Variants in RBM14 observed in about 807,000 individuals in gnomAD.
The protein encoded by RBM14 is RNA-binding protein 14.
A neutral mutation model predicts 52.8 loss-of-function variants in RBM14; 5 were observed. The ratio of observed to expected loss-of-function variants is 0.09; its 90% CI spans 0.05 to 0.20. The LOEUF is 0.20. RBM14 is among the 10% of genes least tolerant of loss of function. The pLI, the probability that RBM14 is intolerant of heterozygous loss-of-function variation, is 1.00. For missense variants in RBM14, 780 were observed against 926.6 expected (o/e 0.84, Z 2.05); for synonymous variants, 411 against 401.8 (o/e 1.02, Z -0.28).
In RBM14 at chr11:66,625,308, G is replaced by A; in HGVS notation, c.1432G>A (p.Ala478Thr). The A allele has an allele frequency of 6.2e-7, 1 of 1,611,976 alleles. No individual in the cohort carries two copies. Among genetic ancestry groups the A allele is most frequent in the Non-Finnish European group, 8.5e-7 (1 of 1,179,204 alleles). Reference protein sequence around the residue: ...QTQLNSYGAQASMGLSGSYGA... With the variant: ...QTQLNSYGAQTSMGLSGSYGA... Reference sequence around the variant, plus strand: ...CCAGCTGAATAGTTACGGGGCCCAAGCATCAATGGGCCTTTCAGGCTCCTA... The same window carrying A: ...CCAGCTGAATAGTTACGGGGCCCAAACATCAATGGGCCTTTCAGGCTCCTA... The change falls in exon 2 of 3, where the codon GCA (alanine) becomes ACA (threonine). Residue 478 changes from alanine to threonine, a missense_variant. Ala to Thr is a moderately conservative substitution (Grantham distance 58). Around this residue, in one of 4 missense-constraint regions of RBM14, gnomAD observed 675 missense variants for 697.3 expected, o/e 0.97. Transcript: ENST00000310137. The surrounding 1 kb of genome is among the most constrained non-coding windows in gnomAD (Gnocchi z 4.2).
chr11:66,627,406 CATG>C lies in RBM14; in HGVS notation c.*741_*743del, dbSNP rs1937866780. 1 of 152,168 alleles carries C rather than the reference CATG, an allele frequency of 6.6e-6. No individual in the cohort carries two copies. The highest frequency in any genetic ancestry group is 2.4e-5 in the African/African-American group (1 of 41,426). 9.4% of individuals were successfully genotyped at this position (152,168 alleles called of 1,614,324 possible). On this transcript the variant is annotated 3_prime_UTR_variant, in exon 3 of 3. Coordinates refer to ENST00000310137, the MANE Select transcript of RBM14 (RefSeq NM_006328.4). ...GGAGCCAATTTGACATCCAGGAAGACATGATAGCTAAAGGGAAGGCAGTCAGAG... is the reference window on the plus strand; with the variant it reads ...GGAGCCAATTTGACATCCAGGAAGACATAGCTAAAGGGAAGGCAGTCAGAG...
In RBM14 at chr11:66,624,251, C is replaced by G. The variant is rs1286725028; in HGVS notation, c.375C>G (p.Ala125=). 1 of 1,602,232 alleles carries G rather than the reference C, an allele frequency of 6.2e-7. No homozygotes were observed. The highest frequency in any genetic ancestry group is 1.7e-5 in the Admixed American group (1 of 58,594). ...AFVHMEKEAD[A]KAAIAQLNGK... ...TTCACATGGAGAAGGAAGCAGATGC[C>G]AAAGCCGCAATCGCGCAGCTCAACG... is the stretch of plus-strand genomic sequence containing the variant. Residue 125 remains alanine (A), a synonymous_variant, in exon 2 of 3, where the codon GCC becomes GCG. Transcript: ENST00000310137. The surrounding 1 kb of genome is among the most constrained non-coding windows in gnomAD (Gnocchi z 4.7).
Position 66,616,875 on chromosome 11 carries a change from T to C in RBM14, c.155T>C (p.Ile52Thr). The C allele has an allele frequency of 6.2e-7, 1 of 1,612,236 alleles. No homozygotes were observed. Among genetic ancestry groups the C allele is most frequent in the Non-Finnish European group, 8.5e-7 (1 of 1,179,488 alleles). The change falls in exon 1 of 3, where the codon ATC becomes ACC. Residue 52 changes from isoleucine (I) to threonine (T), a missense_variant. Physicochemically the swap from Ile to Thr is moderately conservative, Grantham distance 89. This residue lies in a region of RBM14 where 71 missense variants were observed against 119.2 expected (regional missense o/e 0.60). Transcript: ENST00000310137. Reference protein sequence around the residue: ...MRENAGALRAIEALHGHELRP... With the variant: ...MRENAGALRATEALHGHELRP... ...GAGAACGCGGGCGCGCTGCGCGCCA[T>C]CGAAGCCCTGCACGGCCACGAGCTG... is the stretch of plus-strand genomic sequence containing the variant.
Position 66,627,859 on chromosome 11 carries a change from G to A in RBM14, c.*1191G>A, listed in dbSNP as rs1031014481. Among the ~76,000 whole-genome samples the A allele has an allele frequency of 1.3e-5, 2 of 152,098 alleles. No homozygotes were observed. Among genetic ancestry groups the A allele is most frequent in the African/African-American group, 4.8e-5 (2 of 41,396 alleles). ...CGTTGCCTGATACTGCCCTATGGTT[G>A]GAATAAGGAAGGGCAGAGAAAACTT... is the stretch of plus-strand genomic sequence containing the variant. On this transcript the variant is annotated 3_prime_UTR_variant, in exon 3 of 3. Transcript: ENST00000310137.
Position 66,616,658 on chromosome 11 carries a change from G to T in RBM14, c.-63G>T, listed in dbSNP as rs1278597986. On this transcript the variant is annotated 5_prime_UTR_variant, in exon 1 of 3. Transcript: ENST00000310137. ...CCTGAGGAGGACTGCCGGTCGTTCG[G>T]ACGTCTTGCCTGTCGCTGGAGGAGA... The T allele has an allele frequency of 2.7e-6, 4 of 1,507,296 alleles. No homozygotes were observed. Among genetic ancestry groups the T allele is most frequent in the Non-Finnish European group, 1.8e-6 (2 of 1,126,302 alleles). The allele number at this position is 1,507,296 out of a possible 1,614,324, so 93.4% of individuals were successfully genotyped here. A position where few individuals can be genotyped will look rare whatever the true frequency, so the allele number is the denominator to read the frequency against.
rs146481171 is a variant in RBM14, at chr11:66,624,829, A to G, written c.953A>G (p.Tyr318Cys). Residue 318 changes from tyrosine (Y) to cysteine (C), a missense_variant, in exon 2 of 3, where the codon TAT (tyrosine) becomes TGT (cysteine). Physicochemically the swap from Tyr to Cys is radical, Grantham distance 194. This residue lies in a region of RBM14 where 675 missense variants were observed against 697.3 expected (regional missense o/e 0.97). Transcript: ENST00000310137. The surrounding 1 kb of genome is among the most constrained non-coding windows in gnomAD (Gnocchi z 4.7). Reference protein sequence around the residue: ...AQPSASALSSYGGQAAAASSL... With the variant: ...AQPSASALSSCGGQAAAASSL... ...CCCTCAGCCTCGGCCCTTTCCTCCT[A>G]TGGGGGTCAGGCAGCTGCAGCTTCT... The G allele has an allele frequency of 7.4e-6, 12 of 1,612,554 alleles. No individual in the cohort carries two copies. The highest frequency in any genetic ancestry group is 1.7e-5 in the Admixed American group (1 of 59,898).
rs951342452 is a variant in RBM14 at position 66,628,439 on chromosome 11, C to G, written c.*1771C>G. 6.6e-6 allele frequency among the ~76,000 whole-genome samples: 1 copy of G among 152,066 alleles called. No homozygotes were observed. The highest frequency in any genetic ancestry group is 2.4e-5 in the African/African-American group (1 of 41,382). On this transcript the variant is annotated 3_prime_UTR_variant, in exon 3 of 3. Coordinates refer to ENST00000310137, the MANE Select transcript of RBM14 (RefSeq NM_006328.4). ...ACTTGCCTGTGACAGAATATCTTGC[C>G]CTAGATGTCCTCTTCCCTCTTGCCA...
chr11:66,620,140 A>C (rs949484165), intron 1 of RBM14, among the ~76,000 whole-genome samples: 1 of 152,170 alleles, frequency 6.6e-6, no homozygotes, highest in South Asian at 2.1e-4. Context: ...TGTGCTTTGC[A>C]CTTACTGTGA....
intron 1 of RBM14, 23 bp downstream of exon 1, chr11:66,617,080 G>A: frequency 6.4e-7 from 1 of 1,554,126 alleles, no homozygotes; most frequent in Non-Finnish European, 8.7e-7. Context: ...CGCGCTCGGG[G>A]GCGGGGGCGC....
At chr11:66,619,907 T>G (rs1859026446) in intron 1 of RBM14, among the ~76,000 whole-genome samples, 2 of 152,254 alleles carry the variant, frequency 1.3e-5, no homozygotes, top group Admixed American at 1.3e-4. Flanking sequence ...GAGAACTTGT[T>G]TTTCTGGATT....
Position 66,625,868 on chromosome 11 carries a change from A to G in RBM14, c.1802+190A>G. 1.7e-6 allele frequency: 1 copy of G among 590,422 alleles called. No homozygotes were observed. Among genetic ancestry groups the G allele is most frequent in the Non-Finnish European group, 3.0e-6 (1 of 337,608 alleles). The allele number at this position is 590,422 out of a possible 1,614,324, so 36.6% of individuals were successfully genotyped here. Reference sequence around the variant, plus strand: ...GGTCACCAGGGTTCAGGTGGAGCATAGTGCTCAGCCTGGGGTGGTACCTGC... The same window carrying G: ...GGTCACCAGGGTTCAGGTGGAGCATGGTGCTCAGCCTGGGGTGGTACCTGC... On this transcript the variant is annotated intron_variant, in intron 2 of 2. Coordinates refer to ENST00000310137, the MANE Select transcript of RBM14 (RefSeq NM_006328.4). This position sits in a 1 kb window ranked among gnomAD's most constrained non-coding sequence, Gnocchi z 4.2.
At position 66,617,067 on chromosome 11, in the gene RBM14, A is replaced by T. The variant is rs539164893; in HGVS notation, c.337+10A>T. On this transcript the variant is annotated intron_variant, in intron 1 of 2. Transcript: ENST00000310137. ...TGTGACGTGGTGAAAGGTAACGCGG[A>T]GGCGCGCTCGGGGGCGGGGGCGCGC... is the stretch of plus-strand genomic sequence containing the variant. 4 of 1,561,642 alleles carry T rather than the reference A, an allele frequency of 2.6e-6. No individual in the cohort carries two copies. The highest frequency in any genetic ancestry group is 3.5e-6 in the Non-Finnish European group (4 of 1,151,738).
In RBM14 at chr11:66,624,680, C is replaced by G. The variant is rs1418270798; in HGVS notation, c.804C>G (p.Ala268=). Residue 268 remains alanine (A), a synonymous_variant, in exon 2 of 3, where the codon GCC becomes GCG. Transcript: ENST00000310137. The surrounding 1 kb of genome is among the most constrained non-coding windows in gnomAD (Gnocchi z 4.7). ...GVGYRTQPMT[A]QAASYRAQPS... ...GCTATCGGACTCAGCCCATGACAGC[C>G]CAGGCAGCCTCTTACCGCGCTCAGC... The G allele has an allele frequency of 3.1e-6, 5 of 1,613,570 alleles. No homozygotes were observed. In the African/African-American group the frequency reaches 6.7e-5, roughly 22 times the overall value.
In RBM14 at chr11:66,625,743, G is replaced by T; in HGVS notation, c.1802+65G>T. On this transcript the variant is annotated intron_variant, in intron 2 of 2. Coordinates refer to ENST00000310137, the MANE Select transcript of RBM14 (RefSeq NM_006328.4). The surrounding 1 kb of genome is among the most constrained non-coding windows in gnomAD (Gnocchi z 4.2). ...TAGGGCAAGGGGCTGAGGTTGGCAT[G>T]GGAGGGAAACTGGAGGCATCGGCCC... The T allele has an allele frequency of 7.5e-7, 1 of 1,333,194 alleles. No individual in the cohort carries two copies. 82.6% of individuals were successfully genotyped at this position (1,333,194 alleles called of 1,614,324 possible).
chr11:66,625,490 C>G lies in RBM14; in HGVS notation c.1614C>G (p.Ala538=). The G allele has an allele frequency of 6.2e-7, 1 of 1,612,712 alleles. No individual in the cohort carries two copies. Among genetic ancestry groups the G allele is most frequent in the East Asian group, 2.2e-5 (1 of 44,826 alleles). The change falls in exon 2 of 3, where the codon GCC becomes GCG. Residue 538 remains alanine, a synonymous_variant. Coordinates refer to ENST00000310137, the MANE Select transcript of RBM14 (RefSeq NM_006328.4). The surrounding 1 kb of genome is among the most constrained non-coding windows in gnomAD (Gnocchi z 4.2). ...CCCAGCAGCATCCCCAGGCTGCTGC[C>G]TCCTACCGCGGCCAGCCAGGCAATG... ...YAAQQHPQAA[A]SYRGQPGNAY...
chr11:66,625,637 C>T lies in RBM14; in HGVS notation c.1761C>T (p.Ser587=). The change falls in exon 2 of 3, where the codon AGC becomes AGT. Residue 587 remains serine, a synonymous_variant. Transcript: ENST00000310137. This position sits in a 1 kb window ranked among gnomAD's most constrained non-coding sequence, Gnocchi z 4.2. The stretch of plus-strand genomic sequence containing the variant: ...CCCGCCTCTCCCCACCCCGGGCCAG[C>T]TACGACGATCCCTACAAAAAGGCTG... ...ERTRLSPPRA[S]YDDPYKKAVA... 1 of 1,612,850 alleles carries T rather than the reference C, an allele frequency of 6.2e-7. No homozygotes were observed. Among genetic ancestry groups the T allele is most frequent in the Non-Finnish European group, 8.5e-7 (1 of 1,179,998 alleles).
chr11:66,623,777 A>G (rs1937655915), intron 1 of RBM14: 1 of 667,794 alleles, frequency 1.5e-6, no homozygotes, highest in Admixed American at 2.2e-5. Context: ...CCAGTGTTTG[A>G]GAGTTAGGCC....
chr11:66,619,061 G>A (rs1858976466), intron 1 of RBM14: 2 of 154,542 alleles, frequency 1.3e-5, no homozygotes, highest in Admixed American at 6.5e-5. Flanking sequence ...CGATGTAAGA[G>A]ACTGGGAAAG....
At chr11:66,617,579 C>T (rs7115171) in intron 1 of RBM14, 224 of 988,054 alleles carry the variant, frequency 2.3e-4, no homozygotes, top group Middle Eastern at 1.0e-3. Context: ...GTTTCTCGGG[C>T]TGGGGTCTTT....
Sources: gnomAD v4.1 joint callset for allele counts (sites outside exome capture counted in the v4.1 genomes callset) on GRCh38, gnomAD v4.1.1 for gene constraint, gnomAD v4.1.1 regional missense constraint, Gnocchi (gnomAD v3.1) non-coding constraint, MANE v1.5 for transcripts, NCBI Gene and HGNC (gene_info 2026-07-23, HGNC 2026-07-21) for gene names.